Variants in TPO observed in about 807,000 individuals in gnomAD.
TPO encodes the protein thyroid peroxidase.
A neutral mutation model predicts 96.9 loss-of-function variants in TPO; 78 were observed. The observed-to-expected ratio is 0.81, with a 90% CI of 0.67 to 0.97. The LOEUF (loss-of-function observed/expected upper bound fraction) is 0.97. Among genes scored for constraint, TPO ranks in the 50% least tolerant of loss-of-function variants. The pLI, the probability that TPO is intolerant of heterozygous loss-of-function variation, is 0.00. For synonymous variants in TPO, 547 were observed against 538.0 expected, an observed-to-expected ratio of 1.02 and a Z score of -0.23; for missense variants, 1,252 against 1,274.8, an observed-to-expected ratio of 0.98 and a Z score of 0.27.
chr2:1,494,157 G>C (rs1457363266), intron 11 of TPO, 118 bp downstream of exon 11: 1 of 1,049,342 alleles, frequency 9.5e-7, no homozygotes, highest in South Asian at 1.3e-5. Context: ...CAACTCTTAC[G>C]TAAGCCTGGT....
At chr2:1,420,745 A>T (rs1038119670) in intron 2 of TPO, among the ~76,000 whole-genome samples, 1 of 152,074 alleles carries the variant, frequency 6.6e-6, no homozygotes, top group African/African-American at 2.4e-5. Flanking sequence ...GGACAGAAGG[A>T]TGGTGGGGAG....
At chr2:1,482,776 G>C (rs1484695176) in intron 8 of TPO, among the ~76,000 whole-genome samples, 1 of 152,170 alleles carries the variant, frequency 6.6e-6, no homozygotes, top group East Asian at 1.9e-4. Flanking sequence ...CTGGGCTCAA[G>C]CAATCCTCCA....
intron 15 of TPO, among the ~76,000 whole-genome samples, chr2:1,519,758 AT>A (rs1186388846): frequency 6.6e-6 from 1 of 152,224 alleles, no homozygotes; most frequent in Non-Finnish European, 1.5e-5. Flanking sequence ...TACGACTATA[AT>A]TTCCTATTCA....
intron 2 of TPO, among the ~76,000 whole-genome samples, chr2:1,421,440 C>T (rs1573105115): frequency 6.6e-6 from 1 of 151,704 alleles, no homozygotes; most frequent in African/African-American, 2.4e-5. Flanking sequence ...TGCCGCGTCA[C>T]TCGGAGATTG....
intron 16 of TPO, 50 bp from the exon 17 acceptor site, chr2:1,542,371 G>A (rs1271516645): frequency 6.2e-7 from 1 of 1,610,498 alleles, no homozygotes; most frequent in Non-Finnish European, 8.5e-7. Context: ...TGCTGTTACT[G>A]GAGCAGTCAG....
intron 7 of TPO, among the ~76,000 whole-genome samples, chr2:1,473,473 C>T (rs1669623975): frequency 6.6e-6 from 1 of 152,126 alleles, no homozygotes; most frequent in Admixed American, 6.5e-5. Flanking sequence ...TATTATCTGT[C>T]AAGTCAATAC....
At chr2:1,466,570 T>A (rs546627559) in intron 7 of TPO, among the ~76,000 whole-genome samples, 1 of 152,326 alleles carries the variant, frequency 6.6e-6, no homozygotes, top group South Asian at 2.1e-4. Flanking sequence ...TCTTACTGCT[T>A]GTTATTGTTC....
Position 1,400,992 on chromosome 2 carries a change from A to G in TPO, n.180+26590A>G, listed in dbSNP as rs1370539639. ...TGGCCTGAAGTAACTGTTGTGCGTCATAGTCTCCTGTGCTGACTTTCCAAC... is the reference window on the plus strand; with the variant it reads ...TGGCCTGAAGTAACTGTTGTGCGTCGTAGTCTCCTGTGCTGACTTTCCAAC... On this transcript the variant is annotated intron_variant and non_coding_transcript_variant, in intron 1 of 5. Coordinates refer to the TPO transcript ENST00000497517. Among the ~76,000 whole-genome samples, 6 of 152,314 alleles carry G rather than the reference A, an allele frequency of 3.9e-5. No homozygotes were observed. The East Asian group carries it at 1.2e-3, about 29-fold the overall frequency.
intron 5 of TPO, chr2:1,438,778 GA>G (rs1665859993): frequency 1.5e-6 from 1 of 663,838 alleles, no homozygotes; most frequent in Non-Finnish European, 2.7e-6. Context: ...CTTAACTGGA[GA>G]TTTTTTTTTT....
intron 1 of TPO, among the ~76,000 whole-genome samples, chr2:1,397,527 A>G (rs1369702119): frequency 6.6e-6 from 1 of 152,212 alleles, no homozygotes; most frequent in Non-Finnish European, 1.5e-5. Flanking sequence ...CTCCAGCTGC[A>G]GCTCAAATTC....
intron 15 of TPO, among the ~76,000 whole-genome samples, chr2:1,519,450 T>C (rs1035203048): frequency 2.0e-5 from 3 of 152,170 alleles, no homozygotes; most frequent in Non-Finnish European, 4.4e-5. Context: ...CCAGTGAAGA[T>C]TGAATAATCA....
chr2:1,380,190 C>G (rs574132805), intron 1 of TPO, among the ~76,000 whole-genome samples: 1 of 152,056 alleles, frequency 6.6e-6, no homozygotes, highest in Admixed American at 6.6e-5. Flanking sequence ...GTCAGGAGAT[C>G]AAGACCATCC....
intron 5 of TPO, among the ~76,000 whole-genome samples, chr2:1,437,418 G>C (rs1325537891): frequency 2.7e-5 from 4 of 150,906 alleles, no homozygotes; most frequent in Admixed American, 2.0e-4. Context: ...GCTCCTCACT[G>C]CTGGGTGTGC....
At chr2:1,475,378 G>T in intron 7 of TPO, among the ~76,000 whole-genome samples, 1 of 150,820 alleles carries the variant, frequency 6.6e-6, no homozygotes, top group African/African-American at 2.4e-5. Flanking sequence ...TCTACTCTAA[G>T]CCTCGCAGGC....
At chr2:1,457,888 T>C (rs183110226) in intron 7 of TPO, among the ~76,000 whole-genome samples, 98 of 152,024 alleles carry the variant, frequency 6.4e-4, no homozygotes, top group Non-Finnish European at 1.4e-3. Flanking sequence ...GGTGGGCACG[T>C]GTGTATATGG....
intron 1 of TPO, among the ~76,000 whole-genome samples, chr2:1,395,360 T>G (rs1662063410): frequency 6.6e-6 from 1 of 152,194 alleles, no homozygotes; most frequent in Non-Finnish European, 1.5e-5. Flanking sequence ...TTCCTTTAGT[T>G]TAAAGAATCA....
intron 16 of TPO, chr2:1,541,606 C>G (rs571314628): frequency 6.6e-6 from 1 of 152,300 alleles, no homozygotes; most frequent in Non-Finnish European, 1.5e-5. Context: ...ATCCTCCAGT[C>G]TGAAACTCCC....
intron 2 of TPO, among the ~76,000 whole-genome samples, chr2:1,419,368 A>T (rs555275138): frequency 3.4e-4 from 52 of 152,270 alleles, no homozygotes; most frequent in Middle Eastern, 3.4e-3. Context: ...CTGCAGAGCT[A>T]ACGATAGCAA....
chr2:1,525,027 C>CA (rs1404677800), intron 15 of TPO, among the ~76,000 whole-genome samples: 1 of 98,722 alleles, frequency 1.0e-5, no homozygotes, highest in Non-Finnish European at 2.2e-5. Context: ...CGCCAAATCC[C>CA]CCAACTCTGT....
Sources: gnomAD v4.1 joint callset for allele counts (sites outside exome capture counted in the v4.1 genomes callset) on GRCh38, gnomAD v4.1.1 for gene constraint, MANE v1.5 for transcripts, NCBI Gene and HGNC (gene_info 2026-07-23, HGNC 2026-07-21) for gene names.